PLCL1: variants seen among roughly 807,000 people sequenced by gnomAD.
PLCL1 encodes inactive phospholipase C-like protein 1.
PLCL1 carries 41 observed loss-of-function variants against 84.4 expected under a neutral mutation model. That is an observed-to-expected ratio of 0.49 (90% CI 0.38 to 0.63). PLCL1 has a LOEUF of 0.63. Among genes scored for constraint, PLCL1 ranks in the 30% least tolerant of loss-of-function variants. The pLI is 0.00. For synonymous variants in PLCL1, 490 were observed against 488.3 expected (o/e 1.00, Z -0.05); for missense variants, 1,206 against 1,367.8 (o/e 0.88, Z 1.87).
At chr2:197,851,921 T>C (rs1687247133) in intron 1 of PLCL1, among the ~76,000 whole-genome samples, 1 of 152,228 alleles carries the variant, frequency 6.6e-6, no homozygotes, top group Non-Finnish European at 1.5e-5. Context: ...GGCCACAAGA[T>C]AGATGGCTCA....
intron 1 of PLCL1, among the ~76,000 whole-genome samples, chr2:197,881,754 A>G (rs1342453376): frequency 1.3e-5 from 2 of 152,104 alleles, no homozygotes; most frequent in Admixed American, 6.6e-5. Flanking sequence ...ACTTTTTATT[A>G]TAGATAACTT....
At chr2:197,948,848 GGTGTT>G (rs1689332609) in intron 1 of PLCL1, among the ~76,000 whole-genome samples, 1 of 152,136 alleles carries the variant, frequency 6.6e-6, no homozygotes, top group African/African-American at 2.4e-5. Context: ...TGGTATAAAC[GGTGTT>G]GTGTTCCTTG....
At chr2:197,836,262 G>A (rs975004661) in intron 1 of PLCL1, among the ~76,000 whole-genome samples, 2 of 151,678 alleles carry the variant, frequency 1.3e-5, no homozygotes, top group African/African-American at 4.8e-5. Context: ...CGGCTAAAAC[G>A]GTGAAACCCC....
intron 1 of PLCL1, among the ~76,000 whole-genome samples, chr2:198,002,645 G>A (rs574029647): frequency 6.6e-6 from 1 of 152,264 alleles, no homozygotes; most frequent in East Asian, 1.9e-4. Flanking sequence ...TTATTGTAAA[G>A]ATTCTTATGC....
At chr2:198,046,697 G>A (rs1027838375) in intron 1 of PLCL1, among the ~76,000 whole-genome samples, 1 of 152,014 alleles carries the variant, frequency 6.6e-6, no homozygotes, top group South Asian at 2.1e-4. Context: ...AAATTAGCCC[G>A]GTATGGTGGT....
intron 1 of PLCL1, among the ~76,000 whole-genome samples, chr2:197,981,452 C>T (rs1690103410): frequency 6.6e-6 from 1 of 152,148 alleles, no homozygotes; most frequent in Admixed American, 6.5e-5. Flanking sequence ...TAGGAACAAG[C>T]AAATATAAAC....
At chr2:198,070,352 T>C (rs1311669942) in intron 1 of PLCL1, among the ~76,000 whole-genome samples, 1 of 152,120 alleles carries the variant, frequency 6.6e-6, no homozygotes, top group East Asian at 1.9e-4. Context: ...GGTACATTCA[T>C]ATGCTTACAT....
intron 5 of PLCL1, among the ~76,000 whole-genome samples, chr2:198,120,173 C>A (rs1005728405): frequency 6.6e-6 from 1 of 151,634 alleles, no homozygotes; most frequent in Non-Finnish European, 1.5e-5. Context: ...TCCTGGTCTA[C>A]TCTTAAAAAA....
intron 1 of PLCL1, among the ~76,000 whole-genome samples, chr2:197,920,884 A>G (rs1480382093): frequency 6.6e-6 from 1 of 152,254 alleles, no homozygotes; most frequent in African/African-American, 2.4e-5. Flanking sequence ...GCTCAATGAG[A>G]AAGGCCATGG....
intron 1 of PLCL1, among the ~76,000 whole-genome samples, chr2:198,009,888 C>A (rs1467252988): frequency 6.6e-6 from 1 of 151,802 alleles, no homozygotes; most frequent in African/African-American, 2.4e-5. Context: ...GTGTATAAGT[C>A]TTTTATCTCC....
chr2:198,063,089 C>T (rs1249927010), intron 1 of PLCL1, among the ~76,000 whole-genome samples: 3 of 152,120 alleles, frequency 2.0e-5, no homozygotes, highest in Non-Finnish European at 4.4e-5. Context: ...ATCTGGGTTC[C>T]AGTCTCATTT....
intron 1 of PLCL1, among the ~76,000 whole-genome samples, chr2:197,838,137 T>C (rs1691226605): frequency 6.6e-6 from 1 of 152,232 alleles, no homozygotes; most frequent in Non-Finnish European, 1.5e-5. Context: ...GGCATGTTTC[T>C]CAGGAAGCTC....
At chr2:197,943,080 G>A (rs938619055) in intron 1 of PLCL1, among the ~76,000 whole-genome samples, 5 of 151,488 alleles carry the variant, frequency 3.3e-5, no homozygotes, top group Non-Finnish European at 5.9e-5. Context: ...AGTGGCATGC[G>A]TGGGATTGTC....
intron 5 of PLCL1, among the ~76,000 whole-genome samples, chr2:198,132,449 GT>G (rs369748976): frequency 1.3e-5 from 2 of 151,770 alleles, no homozygotes; most frequent in Admixed American, 6.6e-5. Flanking sequence ...TTAAAAATGT[GT>G]TTTTTTGGGG....
At chr2:197,958,170 G>A (rs1402324962) in intron 1 of PLCL1, among the ~76,000 whole-genome samples, 1 of 151,830 alleles carries the variant, frequency 6.6e-6, no homozygotes, top group East Asian at 1.9e-4. Flanking sequence ...GAGTTAATTA[G>A]CCTTTTTTTT....
At chr2:197,887,240 ACT>A (rs1158497429) in intron 1 of PLCL1, among the ~76,000 whole-genome samples, 7 of 152,128 alleles carry the variant, frequency 4.6e-5, no homozygotes, top group Non-Finnish European at 1.0e-4. Flanking sequence ...AAAAAAGCAT[ACT>A]GTTTTACATT....
intron 1 of PLCL1, among the ~76,000 whole-genome samples, chr2:197,867,467 G>A (rs1196184887): frequency 3.3e-5 from 5 of 151,532 alleles, no homozygotes; most frequent in Non-Finnish European, 7.4e-5. Flanking sequence ...TTTTCTCTTC[G>A]AGGAGTACTT....
chr2:197,837,042 G>A (rs1181923703), intron 1 of PLCL1, among the ~76,000 whole-genome samples: 1 of 151,988 alleles, frequency 6.6e-6, no homozygotes, highest in African/African-American at 2.4e-5. Context: ...CAGTTTTTGT[G>A]AGAGATTAAA....
At chr2:197,847,331 A>AGCCCCAGATCCTCAGT (rs1228864129) in intron 1 of PLCL1, among the ~76,000 whole-genome samples, 1 of 152,184 alleles carries the variant, frequency 6.6e-6, no homozygotes, top group Non-Finnish European at 1.5e-5. Flanking sequence ...ATAAATGGTC[A>AGCCCCAGATCCTCAGT]GCCCCAGATC....
Sources: allele counts gnomAD v4.1 joint callset (sites outside exome capture counted in the v4.1 genomes callset), GRCh38; gene constraint gnomAD v4.1.1; transcripts MANE v1.5; gene names NCBI Gene and HGNC (gene_info 2026-07-23, HGNC 2026-07-21).